Variants in ESRRA observed in about 807,000 individuals in gnomAD.
ESRRA encodes the protein steroid hormone receptor ERR1.
In ESRRA, 7 loss-of-function variants were observed where a neutral mutation model predicts 35.6. That is an observed-to-expected ratio of 0.20 (90% confidence interval 0.11 to 0.37). The LOEUF is 0.37. Among genes scored for constraint, ESRRA ranks in the 10% least tolerant of loss-of-function variants. The pLI, the probability that ESRRA is intolerant of heterozygous loss-of-function variation, is 1.00. For missense variants in ESRRA, 378 were observed against 561.7 expected (o/e 0.67, Z 3.31); for synonymous variants, 223 against 246.9 (o/e 0.90, Z 0.91).
Position 64,313,316 on chromosome 11 carries a change from A to G in ESRRA, c.326-635A>G, listed in dbSNP as rs2035178349. The stretch of plus-strand genomic sequence containing the variant: ...GTTCGGTCCGAGATGCCTTCTAGAC[A>G]TGCAGGATGTCAAGGAGGCAGCTGG... On this transcript the variant is annotated intron_variant, in intron 2 of 6. Transcript: ENST00000000442. This position sits in a 1 kb window ranked among gnomAD's most constrained non-coding sequence, Gnocchi z 4.0. Among the ~76,000 whole-genome samples the G allele has an allele frequency of 6.6e-6, 1 of 152,176 alleles. No homozygotes were observed. The highest frequency in any genetic ancestry group is 1.5e-5 in the Non-Finnish European group (1 of 68,036).
chr11:64,311,446 C>G (rs1371241633), intron 2 of ESRRA, among the ~76,000 whole-genome samples: 1 of 149,550 alleles, frequency 6.7e-6, no homozygotes, highest in Non-Finnish European at 1.5e-5. Context: ...GACGGAGTCT[C>G]GCTTTGTTGC....
intron 2 of ESRRA, among the ~76,000 whole-genome samples, chr11:64,310,839 C>T (rs1252393894): frequency 6.6e-6 from 1 of 152,044 alleles, no homozygotes; most frequent in African/African-American, 2.4e-5. Flanking sequence ...TGAGCCACTG[C>T]ACCCCGCCAA....
rs1157602596 is a variant in ESRRA at position 64,314,317 on chromosome 11, G to A, written c.521G>A (p.Gly174Asp). 1 of 1,607,528 alleles carries A rather than the reference G, an allele frequency of 6.2e-7. No individual in the cohort carries two copies. Among genetic ancestry groups the A allele is most frequent in the Non-Finnish European group, 8.5e-7 (1 of 1,177,494 alleles). ...GAGGTGGACCCACTGCCCTTCCCGG[G>A]CCCCTTCCCTGCTGGGCCCCTGGCA... Reference protein sequence around the residue: ...RPEVDPLPFPGPFPAGPLAVA... With the variant: ...RPEVDPLPFPDPFPAGPLAVA... Residue 174 changes from glycine to aspartate, a missense_variant, in exon 4 of 7, where the codon GGC (glycine) becomes GAC (aspartate). This residue lies in a region of ESRRA where 284 missense variants were observed against 411.7 expected (regional missense o/e 0.69). Transcript: ENST00000000442.
chr11:64,314,098 TG>T, intron 3 of ESRRA, 31 bp downstream of exon 3: 1 of 1,563,350 alleles, frequency 6.4e-7, no homozygotes, highest in Non-Finnish European at 8.7e-7. Flanking sequence ...GGGCGAGGGC[TG>T]GGGGAGTCGG....
Position 64,315,152 on chromosome 11 carries a change from G to A in ESRRA, c.894G>A (p.Arg298=). 1 of 1,612,988 alleles carries A rather than the reference G, an allele frequency of 6.2e-7. No homozygotes were observed. Among genetic ancestry groups the A allele is most frequent in the Non-Finnish European group, 8.5e-7 (1 of 1,179,992 alleles). Residue 298 remains arginine (R), a synonymous_variant, in exon 6 of 7, where the codon CGG becomes CGA. Transcript: ENST00000000442. Reference sequence around the variant, plus strand: ...TAGTCCTGGATGAAGAGGGGGCACGGGCAGCTGGCCTGGGGGAACTGGGGG... The same window carrying A: ...TAGTCCTGGATGAAGAGGGGGCACGAGCAGCTGGCCTGGGGGAACTGGGGG... ...EDLVLDEEGA[R]AAGLGELGAA...
rs1185768710 is a variant in ESRRA, at chr11:64,310,536, G to GTTTT, written c.325+3055_325+3058dup. Among the ~76,000 whole-genome samples the GTTTT allele has an allele frequency of 9.0e-5, 9 of 100,498 alleles. 2 individuals carry two copies. Among genetic ancestry groups the GTTTT allele is most frequent in the Non-Finnish European group, 1.5e-4 (8 of 52,586 alleles). 65.9% of individuals were successfully genotyped at this position (100,498 alleles called of 152,430 possible). Reference sequence around the variant, plus strand: ...GGCGTGAGCCACTGCTCCTGGCCAGGTTTTTTTTTTTTTTTTTTTTTTTTT... The same window carrying GTTTT: ...GGCGTGAGCCACTGCTCCTGGCCAGGTTTTTTTTTTTTTTTTTTTTTTTTTTTTT... On this transcript the variant is annotated intron_variant, in intron 2 of 6. Transcript: ENST00000000442.
chr11:64,312,429 C>T (rs2035158775), intron 2 of ESRRA, among the ~76,000 whole-genome samples: 1 of 152,168 alleles, frequency 6.6e-6, no homozygotes. Context: ...CGTGAGCCAC[C>T]GTGCCCGGCC....
At position 64,313,784 on chromosome 11, in the gene ESRRA, C is replaced by T. The variant is rs2035185437; in HGVS notation, c.326-167C>T. Reference sequence around the variant, plus strand: ...CTCCCTCATCCAGGCAGGGCTCCCCCGCCCAGCAGCCACTCCCCTCCCTGC... The same window carrying T: ...CTCCCTCATCCAGGCAGGGCTCCCCTGCCCAGCAGCCACTCCCCTCCCTGC... On this transcript the variant is annotated intron_variant, in intron 2 of 6. Transcript: ENST00000000442. The surrounding 1 kb of genome is among the most constrained non-coding windows in gnomAD (Gnocchi z 4.0). The T allele has an allele frequency of 1.1e-5, 6 of 565,646 alleles. No individual in the cohort carries two copies. Among genetic ancestry groups the T allele is most frequent in the Admixed American group, 6.3e-5 (2 of 31,914 alleles). The allele number at this position is 565,646 out of a possible 1,614,324, so 35.0% of individuals were successfully genotyped here. A position where few individuals can be genotyped will look rare whatever the true frequency, so the allele number is the denominator to read the frequency against.
Position 64,316,186 on chromosome 11 carries a change from C to T in ESRRA, c.*220C>T, listed in dbSNP as rs2035257787. 1 of 542,906 alleles carries T rather than the reference C, an allele frequency of 1.8e-6. No homozygotes were observed. Among genetic ancestry groups the T allele is most frequent in the Non-Finnish European group, 3.2e-6 (1 of 311,950 alleles). 33.6% of individuals were successfully genotyped at this position (542,906 alleles called of 1,614,324 possible). The stretch of plus-strand genomic sequence containing the variant: ...TGTCCAGGCTCTGGGCACAGTGCTG[C>T]CCCTTGCAAGCCATAACGTGCCCCC... On this transcript the variant is annotated 3_prime_UTR_variant, in exon 7 of 7. Coordinates refer to ENST00000000442, the MANE Select transcript of ESRRA (RefSeq NM_004451.5).
chr11:64,316,627 G>C lies in ESRRA; in HGVS notation c.*661G>C, dbSNP rs11541032. 2.0e-6 allele frequency: 1 copy of C among 508,540 alleles called. No homozygotes were observed. Among genetic ancestry groups the C allele is most frequent in the East Asian group, 3.6e-5 (1 of 27,546 alleles). 31.5% of individuals were successfully genotyped at this position (508,540 alleles called of 1,614,324 possible). The stretch of plus-strand genomic sequence containing the variant: ...GCGCAGGGACATGGGGCAAGCCAGG[G>C]CCCAGAGCCCTTGGCTGTACAGAGA... On this transcript the variant is annotated 3_prime_UTR_variant, in exon 7 of 7. Transcript: ENST00000000442.
chr11:64,310,237 GTTTT>G (rs199526212), intron 2 of ESRRA, among the ~76,000 whole-genome samples: 1 of 134,372 alleles, frequency 7.4e-6, no homozygotes, highest in Non-Finnish European at 1.6e-5. Flanking sequence ...ATTCCAGCAC[GTTTT>G]TTTTTTTTTT....
intron 2 of ESRRA, among the ~76,000 whole-genome samples, chr11:64,310,908 A>G (rs493052): frequency 0.86 from 131,017 of 152,086 alleles, 59,361 homozygotes; most frequent in Non-Finnish European, 1. Flanking sequence ...CACCCTTCCC[A>G]CTCTGAAGAA....
At chr11:64,314,188 C>T in intron 3 of ESRRA, 51 bp from the exon 4 acceptor site, 3 of 1,575,956 alleles carry the variant, frequency 1.9e-6, no homozygotes, top group Non-Finnish European at 2.6e-6. Context: ...GAGCAAGCCC[C>T]ACCCTGCCCA....
intron 2 of ESRRA, among the ~76,000 whole-genome samples, chr11:64,312,072 G>C (rs1338460601): frequency 6.8e-6 from 1 of 146,012 alleles, no homozygotes; most frequent in African/African-American, 2.5e-5. Context: ...TCTGCCTCCC[G>C]GGTTCAAGCG....
intron 2 of ESRRA, among the ~76,000 whole-genome samples, chr11:64,310,877 C>T (rs1279077037): frequency 6.6e-6 from 1 of 152,088 alleles, no homozygotes; most frequent in Non-Finnish European, 1.5e-5. Context: ...TGGCCAAAAT[C>T]CACCAATCTT....
At chr11:64,309,223 A>T (rs1477370177) in intron 2 of ESRRA, among the ~76,000 whole-genome samples, 1 of 152,106 alleles carries the variant, frequency 6.6e-6, no homozygotes, top group Non-Finnish European at 1.5e-5. Context: ...TCACGAGGTC[A>T]GGAGTTCGAG....
rs2035237354 is a variant in ESRRA at position 64,315,689 on chromosome 11, A to G, written c.1013-18A>G. The G allele has an allele frequency of 1.2e-6, 2 of 1,612,854 alleles. No homozygotes were observed. Among genetic ancestry groups the G allele is most frequent in the East Asian group, 2.2e-5 (1 of 44,828 alleles). On this transcript the variant is annotated intron_variant, in intron 6 of 6. Coordinates refer to ENST00000000442, the MANE Select transcript of ESRRA (RefSeq NM_004451.5). ...CAGAGATAGCCCAGGCCAACACCACATTCCTCTCTTCTTGCAGACTCTGTG... is the reference window on the plus strand; with the variant it reads ...CAGAGATAGCCCAGGCCAACACCACGTTCCTCTCTTCTTGCAGACTCTGTG...
At position 64,314,219 on chromosome 11, in the gene ESRRA, T is replaced by C. The variant is rs781186495; in HGVS notation, c.443-20T>C. The C allele has an allele frequency of 1.9e-6, 3 of 1,602,672 alleles. No homozygotes were observed. Among genetic ancestry groups the C allele is most frequent in the Non-Finnish European group, 2.6e-6 (3 of 1,175,298 alleles). The stretch of plus-strand genomic sequence containing the variant: ...GCCCACAGCACCACAGTCACAGTCC[T>C]ATCTGTCCCACAATTCAAGGAGTGC... On this transcript the variant is annotated intron_variant, in intron 3 of 6. Coordinates refer to ENST00000000442, the MANE Select transcript of ESRRA (RefSeq NM_004451.5).
At position 64,307,325 on chromosome 11, in the gene ESRRA, G is replaced by A. The variant is rs754206501; in HGVS notation, c.146G>A (p.Gly49Asp). The A allele has an allele frequency of 3.1e-6, 5 of 1,612,836 alleles. No individual in the cohort carries two copies. The highest frequency in any genetic ancestry group is 3.3e-5 in the Admixed American group (2 of 59,960). The change falls in exon 2 of 7, where the codon GGC becomes GAC. Residue 49 changes from glycine (G) to aspartate (D), a missense_variant. Coordinates refer to ENST00000000442, the MANE Select transcript of ESRRA (RefSeq NM_004451.5). Reference protein sequence around the residue: ...PGPAPTRCLPGHKEEEDGEGA... With the variant: ...PGPAPTRCLPDHKEEEDGEGA... The stretch of plus-strand genomic sequence containing the variant: ...CCAGCTCCCACTCGCTGCCTCCCAG[G>A]CCACAAGGAAGAGGAGGATGGGGAG...
Sources: gnomAD v4.1 joint callset for allele counts (sites outside exome capture counted in the v4.1 genomes callset) on GRCh38, gnomAD v4.1.1 for gene constraint, gnomAD v4.1.1 regional missense constraint, Gnocchi (gnomAD v3.1) non-coding constraint, MANE v1.5 for transcripts, NCBI Gene and HGNC (gene_info 2026-07-23, HGNC 2026-07-21) for gene names.